ASIC2: variants seen among roughly 807,000 people sequenced by gnomAD.
ASIC2 encodes acid sensing ion channel subunit 2.
In ASIC2, 25 loss-of-function variants were observed where a neutral mutation model predicts 57.3. That is an observed-to-expected ratio of 0.44 (90% CI 0.32 to 0.61). The LOEUF (loss-of-function observed/expected upper bound fraction) is 0.61, where lower values mean the gene tolerates loss of function less well. Among genes scored for constraint, ASIC2 ranks in the 20% least tolerant of loss-of-function variants. The pLI is 0.06. For synonymous variants in ASIC2, 319 were observed against 307.5 expected (o/e 1.04, Z -0.39); for missense variants, 641 against 738.1 (o/e 0.87, Z 1.52).
chr17:34,076,684 C>T (rs528961729), intron 1 of ASIC2, among the ~76,000 whole-genome samples: 43 of 152,172 alleles, frequency 2.8e-4, no homozygotes, highest in Non-Finnish European at 5.3e-4. Flanking sequence ...CTTCCACTGT[C>T]CTGAAACTCA....
intron 1 of ASIC2, among the ~76,000 whole-genome samples, chr17:33,249,197 G>T (rs1908798186): frequency 6.6e-6 from 1 of 152,008 alleles, no homozygotes. Flanking sequence ...GAAGGATGAA[G>T]GTGTCCTCAC....
At chr17:34,096,217 A>G (rs1416354259) in intron 1 of ASIC2, among the ~76,000 whole-genome samples, 1 of 152,128 alleles carries the variant, frequency 6.6e-6, no homozygotes, top group Admixed American at 6.5e-5. Context: ...GGCCTCTCAG[A>G]GGAAGTGATT....
intron 1 of ASIC2, among the ~76,000 whole-genome samples, chr17:33,325,635 G>C (rs937225364): frequency 2.0e-5 from 3 of 152,060 alleles, no homozygotes; most frequent in Non-Finnish European, 2.9e-5. Context: ...CTAGGATAAT[G>C]GTACCCTTAT....
Position 33,428,531 on chromosome 17 carries a change from T to C in ASIC2, c.556-316464A>G, listed in dbSNP as rs146611291. Among the ~76,000 whole-genome samples, 6 of 152,156 alleles carry C rather than the reference T, an allele frequency of 3.9e-5. No homozygotes were observed. The East Asian group carries it at 1.2e-3, about 29-fold the overall frequency. ...AGAGCCCAGGGTCACAGTGGGCTGA[T>C]AGTCAGTTGTCTCAGTGTCCACAGT... On this transcript the variant is annotated intron_variant, in intron 1 of 9. Transcript: ENST00000359872.
intron 1 of ASIC2, among the ~76,000 whole-genome samples, chr17:33,903,286 A>G (rs1915270030): frequency 6.6e-6 from 1 of 152,168 alleles, no homozygotes; most frequent in South Asian, 2.1e-4. Context: ...TCCTTTCTTG[A>G]ATGCTGATAG....
intron 1 of ASIC2, among the ~76,000 whole-genome samples, chr17:33,626,626 G>A (rs1192322503): frequency 6.6e-6 from 1 of 152,084 alleles, no homozygotes; most frequent in Admixed American, 6.5e-5. Context: ...TGCCCTAATC[G>A]AAGCTGTGTT....
At chr17:33,382,554 G>A (rs540539029) in intron 1 of ASIC2, among the ~76,000 whole-genome samples, 43 of 152,280 alleles carry the variant, frequency 2.8e-4, no homozygotes, top group Middle Eastern at 6.8e-3. Flanking sequence ...AAGGAAAATA[G>A]GAAGGTGCCC....
intron 1 of ASIC2, chr17:34,155,857 G>A: frequency 8.5e-7 from 1 of 1,176,000 alleles, no homozygotes; most frequent in Non-Finnish European, 1.2e-6. Context: ...GTGGCCTTCA[G>A]GTGAGGCACT....
rs186605359 is a variant in ASIC2 at position 34,015,451 on chromosome 17, T to C, written c.555+140527A>G. Reference sequence around the variant, plus strand: ...CCAAAGAATGTTGAGTGTGATCCTGTTGGAGTGCCATCCGGCCAGGCCATG... The same window carrying C: ...CCAAAGAATGTTGAGTGTGATCCTGCTGGAGTGCCATCCGGCCAGGCCATG... On this transcript the variant is annotated intron_variant, in intron 1 of 9. Coordinates refer to the ASIC2 transcript ENST00000359872. Among the ~76,000 whole-genome samples, 4 of 152,354 alleles carry C rather than the reference T, an allele frequency of 2.6e-5. No individual in the cohort carries two copies. In the East Asian group the frequency reaches 7.7e-4, roughly 29 times the overall value.
At chr17:33,619,459 G>T (rs1597809525) in intron 1 of ASIC2, among the ~76,000 whole-genome samples, 1 of 152,178 alleles carries the variant, frequency 6.6e-6, no homozygotes, top group Non-Finnish European at 1.5e-5. Flanking sequence ...TGCTTTGATT[G>T]TAATAGAAAA....
intron 1 of ASIC2, among the ~76,000 whole-genome samples, chr17:33,607,594 C>T (rs568561222): frequency 1.3e-5 from 2 of 152,292 alleles, no homozygotes; most frequent in South Asian, 4.1e-4. Flanking sequence ...GGAATGATAA[C>T]AGTAAGAATG....
At chr17:33,874,379 T>C (rs1244768563) in intron 1 of ASIC2, among the ~76,000 whole-genome samples, 2 of 152,262 alleles carry the variant, frequency 1.3e-5, no homozygotes, top group Non-Finnish European at 2.9e-5. Flanking sequence ...TATAAGTATG[T>C]CCCAAATATT....
intron 1 of ASIC2, among the ~76,000 whole-genome samples, chr17:33,540,027 A>G (rs1424202138): frequency 1.3e-5 from 2 of 152,138 alleles, no homozygotes; most frequent in Non-Finnish European, 1.5e-5. Context: ...ATAACAAAGT[A>G]CCCCAGGTTG....
chr17:34,155,788 C>G (rs1904696494), intron 1 of ASIC2: 1 of 630,676 alleles, frequency 1.6e-6, no homozygotes, highest in Non-Finnish European at 2.7e-6. Context: ...CAGCAGTGCT[C>G]TATCCTGGCC....
chr17:33,554,627 C>T (rs1351102255), intron 1 of ASIC2, among the ~76,000 whole-genome samples: 1 of 152,072 alleles, frequency 6.6e-6, no homozygotes, highest in Non-Finnish European at 1.5e-5. Context: ...AGTGGTTCTT[C>T]TGTCTTCTGT....
intron 1 of ASIC2, among the ~76,000 whole-genome samples, chr17:33,789,276 AG>A (rs981700034): frequency 2.0e-5 from 3 of 152,188 alleles, no homozygotes; most frequent in African/African-American, 7.2e-5. Context: ...GATTAATACA[AG>A]ATATCTCACA....
intron 1 of ASIC2, among the ~76,000 whole-genome samples, chr17:33,638,503 TA>T (rs1429357672): frequency 6.6e-6 from 1 of 152,224 alleles, no homozygotes; most frequent in African/African-American, 2.4e-5. Flanking sequence ...GCCGAGGATG[TA>T]ACGCGGAGTA....
At chr17:33,976,203 A>G (rs747291708) in intron 1 of ASIC2, among the ~76,000 whole-genome samples, 1 of 151,570 alleles carries the variant, frequency 6.6e-6, no homozygotes, top group African/African-American at 2.4e-5. Flanking sequence ...CCTTTCTCAA[A>G]TAACTGTTGA....
chr17:34,063,336 C>A (rs1451002386), intron 1 of ASIC2, among the ~76,000 whole-genome samples: 1 of 151,958 alleles, frequency 6.6e-6, no homozygotes, highest in Admixed American at 6.6e-5. Context: ...TGATTAAAAC[C>A]CTCAGCAAAA....
Sources: allele counts gnomAD v4.1 joint callset (sites outside exome capture counted in the v4.1 genomes callset), GRCh38; gene constraint gnomAD v4.1.1; transcripts MANE v1.5; gene names NCBI Gene and HGNC (gene_info 2026-07-23, HGNC 2026-07-21).